CACNA1G: variants seen among roughly 807,000 people sequenced by gnomAD.
CACNA1G encodes the protein calcium voltage-gated channel subunit alpha1 G, also known as voltage-dependent T-type calcium channel subunit alpha-1G.
In CACNA1G, 67 loss-of-function variants were observed where a neutral mutation model predicts 219.4. The ratio of observed to expected loss-of-function variants is 0.31; its 90% confidence interval spans 0.25 to 0.37. The LOEUF (loss-of-function observed/expected upper bound fraction) is 0.37. Ranked by LOEUF, CACNA1G falls within the 10% of genes least tolerant of loss-of-function variation. The pLI is 1.00. For missense variants in CACNA1G, 2,380 were observed against 3,231.4 expected (o/e 0.74, Z 6.39); for synonymous variants, 1,296 against 1,345.3 (o/e 0.96, Z 0.80).
intron 37 of CACNA1G, among the ~76,000 whole-genome samples, chr17:50,625,569 A>G (rs1454028001): frequency 6.6e-6 from 1 of 152,208 alleles, no homozygotes; most frequent in Non-Finnish European, 1.5e-5. Context: ...TTGGGGACAG[A>G]GACTGTCACA....
rs553174325 is a variant in CACNA1G at position 50,589,776 on chromosome 17, G to C, written c.2302-695G>C. 1.1e-4 allele frequency among the ~76,000 whole-genome samples: 16 copies of C among 152,328 alleles called. No homozygotes were observed. The South Asian group carries it at 3.3e-3, about 32-fold the overall frequency. On this transcript the variant is annotated intron_variant, in intron 9 of 37. Transcript: ENST00000359106. ...CAGGATAGGCTGAGGATTAACCCGG[G>C]TGTCCCGGGCTCAGGCTGAGGCTCC...
At chr17:50,567,219 C>A (rs1010680268) in intron 1 of CACNA1G, among the ~76,000 whole-genome samples, 2 of 152,232 alleles carry the variant, frequency 1.3e-5, no homozygotes, top group Non-Finnish European at 2.9e-5. Flanking sequence ...CATCTGCCTA[C>A]CCCCAAAAAC....
intron 7 of CACNA1G, among the ~76,000 whole-genome samples, chr17:50,574,196 C>G (rs2040082642): frequency 6.6e-6 from 1 of 152,204 alleles, no homozygotes; most frequent in Non-Finnish European, 1.5e-5. Context: ...GCTGAGAATT[C>G]AGTCCCAGGC....
Position 50,561,247 on chromosome 17 carries a change from G to A in CACNA1G, c.-213G>A, listed in dbSNP as rs1302707297. ...CGCAGGGGAAGCGGGACTCGCGCCGGGCGGGGTTTCCCTGCGCCCCGGCGC... is the reference window on the plus strand; with the variant it reads ...CGCAGGGGAAGCGGGACTCGCGCCGAGCGGGGTTTCCCTGCGCCCCGGCGC... On this transcript the variant is annotated 5_prime_UTR_variant, in exon 1 of 38. Transcript: ENST00000359106. 7 of 557,758 alleles carry A rather than the reference G, an allele frequency of 1.3e-5. No individual in the cohort carries two copies. The African/African-American group carries it at 1.4e-4, about 11-fold the overall frequency. The allele number at this position is 557,758 out of a possible 1,614,324, so 34.6% of individuals were successfully genotyped here. A position where few individuals can be genotyped will look rare whatever the true frequency, so the allele number is the denominator to read the frequency against.
chr17:50,625,421 AG>A (rs1468311817), intron 37 of CACNA1G, among the ~76,000 whole-genome samples: 1 of 152,230 alleles, frequency 6.6e-6, no homozygotes, highest in Non-Finnish European at 1.5e-5. Context: ...CTGGCGACAC[AG>A]CCCCTGCCCC....
At chr17:50,602,018 C>T (rs963333610) in intron 19 of CACNA1G, among the ~76,000 whole-genome samples, 2 of 152,128 alleles carry the variant, frequency 1.3e-5, no homozygotes, top group Non-Finnish European at 2.9e-5. Context: ...TGAGAGAGCA[C>T]CCGCACTGGG....
At chr17:50,594,155 G>T (rs1435360509) in intron 13 of CACNA1G, among the ~76,000 whole-genome samples, 2 of 152,212 alleles carry the variant, frequency 1.3e-5, no homozygotes, top group African/African-American at 4.8e-5. Context: ...GCTAGGAGGG[G>T]GTGGTCCAGG....
At chr17:50,568,241 A>T (rs1023656666) in intron 1 of CACNA1G, among the ~76,000 whole-genome samples, 2 of 152,042 alleles carry the variant, frequency 1.3e-5, no homozygotes, top group Admixed American at 1.3e-4. Flanking sequence ...TGCAGAGGAA[A>T]CTATCATAGA....
Position 50,603,239 on chromosome 17 carries a change from GC to G in CACNA1G, c.4169+45del. ...AGCACTGGAACACCTCCAAGAGGTG[GC>G]CCCCTCCGCAGGGACATCTCCCACC... On this transcript the variant is annotated intron_variant, in intron 21 of 37. Transcript: ENST00000359106. The surrounding 1 kb of genome is among the most constrained non-coding windows in gnomAD (Gnocchi z 6.4). The G allele has an allele frequency of 6.5e-7, 1 of 1,548,318 alleles. No individual in the cohort carries two copies. Among genetic ancestry groups the G allele is most frequent in the Admixed American group, 1.8e-5 (1 of 56,970 alleles).
chr17:50,600,959 A>G lies in CACNA1G; in HGVS notation c.3792-92A>G. ...TGTGAGCAGGGTGGCCTCAGCTGGG[A>G]GGGCACTGGAGGGGCAGGGGCTGCG... On this transcript the variant is annotated intron_variant, in intron 18 of 37. Coordinates refer to ENST00000359106, the MANE Select transcript of CACNA1G (RefSeq NM_018896.5). This position sits in a 1 kb window ranked among gnomAD's most constrained non-coding sequence, Gnocchi z 4.1. 3 of 1,582,796 alleles carry G rather than the reference A, an allele frequency of 1.9e-6. No homozygotes were observed. Among genetic ancestry groups the G allele is most frequent in the Middle Eastern group, 1.7e-4 (1 of 5,986 alleles).
In CACNA1G at chr17:50,617,062, T is replaced by A. The variant is rs1424969748; in HGVS notation, c.5022-376T>A. Among the ~76,000 whole-genome samples the A allele has an allele frequency of 2.0e-5, 3 of 152,186 alleles. No homozygotes were observed. Among genetic ancestry groups the A allele is most frequent in the Admixed American group, 2.0e-4 (3 of 15,280 alleles). On this transcript the variant is annotated intron_variant, in intron 28 of 37. Transcript: ENST00000359106. The surrounding 1 kb of genome is among the most constrained non-coding windows in gnomAD (Gnocchi z 5.8). ...CAGGGTCTCACTATGTTGCCCAGGC[T>A]GTTCTCGAACTCCTGAGCTCAAGTG...
rs1310117828 is a variant in CACNA1G at position 50,615,466 on chromosome 17, G to T, written c.4865G>T (p.Gly1622Val). The T allele has an allele frequency of 6.2e-7, 1 of 1,613,654 alleles. No homozygotes were observed. The highest frequency in any genetic ancestry group is 8.5e-7 in the Non-Finnish European group (1 of 1,179,654). Residue 1622 changes from glycine (G) to valine (V), a missense_variant, in exon 27 of 38, where the codon GGG becomes GTG. Around this residue, in one of 17 missense-constraint regions of CACNA1G, gnomAD observed 123 missense variants for 258.4 expected, o/e 0.48. Transcript: ENST00000359106. ...GACCTCTTCATCACAGGTGTCATCG[G>T]GCTGAACGTGGTCACCATGGCCATG... ...YLDLFITGVI[G>V]LNVVTMAMEH...
chr17:50,591,882 CA>C, intron 12 of CACNA1G, 29 bp downstream of exon 12: 1 of 1,612,820 alleles, frequency 6.2e-7, no homozygotes, highest in African/African-American at 1.3e-5. Flanking sequence ...AGGGCGTGGA[CA>C]GGGGCCGTCA....
At chr17:50,605,460 G>A (rs970004286) in intron 22 of CACNA1G, among the ~76,000 whole-genome samples, 1 of 152,180 alleles carries the variant, frequency 6.6e-6, no homozygotes, top group Non-Finnish European at 1.5e-5. Context: ...CAGCTCAGTG[G>A]TTCTCAAACT....
chr17:50,618,909 G>A lies in CACNA1G; in HGVS notation c.5682G>A (p.Gly1894=). Residue 1894 remains glycine, a synonymous_variant, in exon 33 of 38, where the codon GGG becomes GGA. Transcript: ENST00000359106. This position sits in a 1 kb window ranked among gnomAD's most constrained non-coding sequence, Gnocchi z 5.3. ...TGGGCAGCCCCTTCCTCTGGCCTGG[G>A]GTCGAGGGCCCCGACAGCCCCGACA... ...SPLGSPFLWP[G]VEGPDSPDSP... 1.2e-6 allele frequency: 2 copies of A among 1,608,508 alleles called. No individual in the cohort carries two copies. Among genetic ancestry groups the A allele is most frequent in the Non-Finnish European group, 1.7e-6 (2 of 1,176,992 alleles).
chr17:50,616,230 C>T (rs536339097), intron 27 of CACNA1G, 45 bp from the exon 28 acceptor site: 1 of 1,224,922 alleles, frequency 8.2e-7, no homozygotes, highest in Admixed American at 1.7e-5. Context: ...CAAGCCCCAG[C>T]CCTGGGCCTT....
intron 8 of CACNA1G, 112 bp downstream of exon 8, chr17:50,576,438 T>G: frequency 9.4e-7 from 1 of 1,061,020 alleles, no homozygotes; most frequent in Non-Finnish European, 1.4e-6. Flanking sequence ...ATTCTCATGC[T>G]GCCTCTCATG....
In CACNA1G at chr17:50,615,793, C is replaced by T. The variant is rs2050418103; in HGVS notation, c.4911+281C>T. On this transcript the variant is annotated intron_variant, in intron 27 of 37. Transcript: ENST00000359106. ...AATGTTGAGCGTCTACTATGAGCTG[C>T]GCTCTGGATCTTTGAGGGTAAAAAG... is the stretch of plus-strand genomic sequence containing the variant. Among the ~76,000 whole-genome samples, 3 of 152,352 alleles carry T rather than the reference C, an allele frequency of 2.0e-5. No individual in the cohort carries two copies. The South Asian group carries it at 6.2e-4, about 32-fold the overall frequency.
At chr17:50,577,792 G>A (rs552835787) in intron 8 of CACNA1G, among the ~76,000 whole-genome samples, 8 of 152,130 alleles carry the variant, frequency 5.3e-5, no homozygotes, top group Non-Finnish European at 1.2e-4. Flanking sequence ...GCAAGTGCAC[G>A]TGTGTGGGCG....
Sources: allele counts gnomAD v4.1 joint callset (sites outside exome capture counted in the v4.1 genomes callset), GRCh38; gene constraint gnomAD v4.1.1; regional missense constraint gnomAD v4.1.1; non-coding constraint Gnocchi (gnomAD v3.1); transcripts MANE v1.5; gene names NCBI Gene and HGNC (gene_info 2026-07-23, HGNC 2026-07-21).